The following ZNF385C variants were observed in gnomAD, a reference collection of about 807,000 sequenced individuals.
ZNF385C encodes the protein CTD-2132N18.2.
ZNF385C carries 28 observed loss-of-function variants against 35.4 expected under a neutral mutation model. The ratio of observed to expected loss-of-function variants is 0.79; its 90% CI spans 0.59 to 1.08. ZNF385C has a LOEUF of 1.08. ZNF385C is among the 50% of genes least tolerant of loss of function. The pLI is 0.00. For missense variants in ZNF385C, 605 were observed against 595.6 expected, an observed-to-expected ratio of 1.02 and a Z score of -0.16; for synonymous variants, 248 against 248.2, an observed-to-expected ratio of 1.00 and a Z score of 0.01.
intron 1 of ZNF385C, among the ~76,000 whole-genome samples, chr17:42,077,872 TC>T (rs1303715605): frequency 1.3e-5 from 2 of 151,490 alleles, no homozygotes; most frequent in African/African-American, 4.9e-5. Flanking sequence ...CTGTGACCCC[TC>T]CCCCCACATT....
chr17:42,048,655 C>A (rs1330644091), intron 2 of ZNF385C, among the ~76,000 whole-genome samples: 1 of 152,192 alleles, frequency 6.6e-6, no homozygotes, highest in African/African-American at 2.4e-5. Context: ...GCCCTTCAAT[C>A]CCTGTTCTCT....
At chr17:42,090,199 A>C (rs1462808388) in intron 1 of ZNF385C, among the ~76,000 whole-genome samples, 4 of 149,676 alleles carry the variant, frequency 2.7e-5, no homozygotes, top group Admixed American at 6.7e-5. Context: ...CTGATATTTA[A>C]CTATCACCTC....
At chr17:42,056,222 C>T (rs571018662) in intron 2 of ZNF385C, among the ~76,000 whole-genome samples, 1 of 152,326 alleles carries the variant, frequency 6.6e-6, no homozygotes, top group African/African-American at 2.4e-5. Context: ...ACTGGTTGAC[C>T]TTAAGAAGCT....
At chr17:42,053,843 A>G (rs2053327865) in intron 2 of ZNF385C, among the ~76,000 whole-genome samples, 1 of 152,094 alleles carries the variant, frequency 6.6e-6, no homozygotes, top group Non-Finnish European at 1.5e-5. Flanking sequence ...CACTCACCCA[A>G]GAGCATTCTC....
At chr17:42,088,590 C>T (rs1464035531) in intron 1 of ZNF385C, among the ~76,000 whole-genome samples, 2 of 152,260 alleles carry the variant, frequency 1.3e-5, no homozygotes, top group Non-Finnish European at 2.9e-5. Flanking sequence ...CTCAGCAGGG[C>T]ATCCCTGACT....
intron 2 of ZNF385C, chr17:42,061,774 G>A (rs577142009): frequency 6.5e-6 from 1 of 152,770 alleles, no homozygotes; most frequent in Admixed American, 6.5e-5. Flanking sequence ...TGCCCCCAGG[G>A]ACTGCAGCTT....
chr17:42,046,071 C>T (rs1555656596), intron 2 of ZNF385C, among the ~76,000 whole-genome samples: 2 of 152,194 alleles, frequency 1.3e-5, no homozygotes, highest in East Asian at 3.8e-4. Flanking sequence ...CTCAGATATC[C>T]CTTCTGCCAT....
intron 2 of ZNF385C, among the ~76,000 whole-genome samples, chr17:42,051,393 G>A (rs927592597): frequency 6.6e-6 from 1 of 152,102 alleles, no homozygotes; most frequent in African/African-American, 2.4e-5. Flanking sequence ...GGTGAATTGA[G>A]GAGCTTCCCT....
intron 2 of ZNF385C, 86 bp from the exon 3 acceptor site, chr17:42,037,971 T>C (rs1555655664): frequency 1.3e-6 from 2 of 1,541,878 alleles, no homozygotes; most frequent in South Asian, 2.4e-5. Flanking sequence ...TTCTTGGGTG[T>C]GGAGCTGGGC....
At chr17:42,031,515 A>G in intron 5 of ZNF385C, 104 bp downstream of exon 5, 2 of 1,403,974 alleles carry the variant, frequency 1.4e-6, no homozygotes, top group Non-Finnish European at 1.9e-6. Context: ...GTCTGTATGG[A>G]ATACTCCAAC....
At chr17:42,070,164 G>A (rs1008228893) in intron 1 of ZNF385C, among the ~76,000 whole-genome samples, 1 of 152,042 alleles carries the variant, frequency 6.6e-6, no homozygotes, top group South Asian at 2.1e-4. Context: ...CTAACACGAT[G>A]AAACCCCATC....
intron 2 of ZNF385C, among the ~76,000 whole-genome samples, chr17:42,060,312 C>T (rs1335187624): frequency 5.3e-5 from 8 of 152,160 alleles, no homozygotes; most frequent in Admixed American, 5.2e-4. Flanking sequence ...TCTTATGTAC[C>T]CTCGAGCCAG....
chr17:42,087,421 G>C (rs1434423813), intron 1 of ZNF385C, among the ~76,000 whole-genome samples: 1 of 152,136 alleles, frequency 6.6e-6, no homozygotes, highest in Admixed American at 6.5e-5. Context: ...GCTGATTTAT[G>C]ACCAAAAGAA....
intron 2 of ZNF385C, chr17:42,038,564 G>C: frequency 6.5e-6 from 1 of 153,244 alleles, no homozygotes; most frequent in Non-Finnish European, 1.5e-5. Flanking sequence ...GGCAGGGGAG[G>C]GGTAGGAACT....
intron 1 of ZNF385C, among the ~76,000 whole-genome samples, chr17:42,066,294 G>A (rs1400752007): frequency 1.3e-5 from 2 of 152,056 alleles, no homozygotes; most frequent in Non-Finnish European, 2.9e-5. Flanking sequence ...TCTTGACTTC[G>A]TGATCCGCCC....
chr17:42,078,407 A>T (rs1208172750), intron 1 of ZNF385C, among the ~76,000 whole-genome samples: 1 of 151,212 alleles, frequency 6.6e-6, no homozygotes, highest in Non-Finnish European at 1.5e-5. Flanking sequence ...TCTTTCCATT[A>T]AGAAAAAAAA....
At chr17:42,073,249 C>T (rs549397685) in intron 1 of ZNF385C, among the ~76,000 whole-genome samples, 1 of 152,024 alleles carries the variant, frequency 6.6e-6, no homozygotes, top group South Asian at 2.1e-4. Flanking sequence ...CCAGCGTGGC[C>T]AACATGGTGA....
chr17:42,039,377 T>TG, intron 2 of ZNF385C: 1 of 269,036 alleles, frequency 3.7e-6, no homozygotes, highest in African/African-American at 2.2e-5. Context: ...CTCCCATCTT[T>TG]GGGGGGACCC....
intron 2 of ZNF385C, chr17:42,061,945 G>A (rs4796633): frequency 0.73 from 111,476 of 152,812 alleles, 43,075 homozygotes; most frequent in South Asian, 0.85. Context: ...TGTGTGGAGC[G>A]GGGGACACAG....
Sources: allele counts gnomAD v4.1 joint callset (sites outside exome capture counted in the v4.1 genomes callset), GRCh38; gene constraint gnomAD v4.1.1; transcripts MANE v1.5; gene names NCBI Gene and HGNC (gene_info 2026-07-23, HGNC 2026-07-21).